Variants in C12orf54 observed in about 807,000 individuals in gnomAD.
C12orf54 encodes chromosome 12 open reading frame 54, also known as uncharacterized protein C12orf54.
C12orf54 carries 24 observed loss-of-function variants against 26.4 expected under a neutral mutation model. That is an observed-to-expected ratio of 0.91 (90% CI 0.66 to 1.28). The LOEUF is 1.28. Ranked by LOEUF, C12orf54 falls within the 50% of genes most tolerant of loss-of-function variation. The pLI, the probability that C12orf54 is intolerant of heterozygous loss-of-function variation, is 0.00. For missense variants in C12orf54, 154 were observed against 150.9 expected (o/e 1.02, Z -0.11); for synonymous variants, 54 against 47.0 (o/e 1.15, Z -0.61).
At chr12:48,471,080 G>A in the C12orf54 span, among the ~76,000 whole-genome samples, 1 of 151,200 alleles carries the variant, frequency 6.6e-6, no homozygotes, top group African/African-American at 2.4e-5. Flanking sequence ...TTATTTTTTT[G>A]TACCCATTAA....
the C12orf54 span, among the ~76,000 whole-genome samples, chr12:48,447,212 C>CTGTGTGTATG: frequency 0.063 from 5,746 of 90,996 alleles, 242 homozygotes; most frequent in East Asian, 0.14. Context: ...CTCTCTTACT[C>CTGTGTGTATG]TGTGTGTGTG....
chr12:48,437,590 G>T, the C12orf54 span, among the ~76,000 whole-genome samples: 3 of 152,232 alleles, frequency 2.0e-5, no homozygotes, highest in African/African-American at 7.2e-5. Context: ...TGCAAGGCTG[G>T]TTCAACATAA....
At chr12:48,414,095 C>T in the C12orf54 span, among the ~76,000 whole-genome samples, 5 of 152,222 alleles carry the variant, frequency 3.3e-5, no homozygotes, top group Admixed American at 3.3e-4. Context: ...ACAAACTGTT[C>T]AACTTCCTAA....
chr12:48,454,084 C>CTT, the C12orf54 span, among the ~76,000 whole-genome samples: 4 of 131,892 alleles, frequency 3.0e-5, no homozygotes, highest in Non-Finnish European at 6.3e-5. Flanking sequence ...CTCTCTCTCT[C>CTT]TTTTTTTGTT....
At chr12:48,417,605 C>G in the C12orf54 span, among the ~76,000 whole-genome samples, 1 of 152,076 alleles carries the variant, frequency 6.6e-6, no homozygotes, top group African/African-American at 2.4e-5. Context: ...GTTTTAGATT[C>G]AGAGGTAAAT....
the C12orf54 span, among the ~76,000 whole-genome samples, chr12:48,465,394 A>T: frequency 6.6e-6 from 1 of 152,204 alleles, no homozygotes; most frequent in East Asian, 1.9e-4. Context: ...AATGACTATT[A>T]TTAAAAAGTC....
the C12orf54 span, among the ~76,000 whole-genome samples, chr12:48,427,504 T>C: frequency 6.6e-6 from 1 of 152,118 alleles, no homozygotes; most frequent in African/African-American, 2.4e-5. Flanking sequence ...GGTTTTTGCA[T>C]CAATGTTCAT....
Position 48,494,846 on chromosome 12 carries a change from G to A in C12orf54, c.291G>A (p.Leu97=). The A allele has an allele frequency of 1.2e-6, 2 of 1,613,776 alleles. No homozygotes were observed. ...TGATGACCCCAAAGTTGAGAAGATT[G>A]CAGTTCAGCTCTGGAGAGCAGCCAT... ...DSLMTPKLRR[L]QFSSGEQPSG... Residue 97 remains leucine, a synonymous_variant, in exon 8 of 9, where the codon TTG becomes TTA. Transcript: ENST00000548364.
rs149144972 is a variant in C12orf54 at position 48,492,949 on chromosome 12, A to T, written c.196A>T (p.Met66Leu). ...ELQEDARIRG[M>L]SNCSMTPMTS... ...ACTCTTCTCTGTGTCCACTTTAGGG[A>T]TGAGCAACTGCTCCATGACACCCAT... Residue 66 changes from methionine (M) to leucine (L), a missense_variant and splice_region_variant, in exon 7 of 9, where the codon ATG becomes TTG. Met to Leu is a conservative substitution (Grantham distance 15). Coordinates refer to ENST00000548364, the MANE Select transcript of C12orf54 (RefSeq NM_152319.4). 398 of 1,613,812 alleles carry T rather than the reference A, an allele frequency of 2.5e-4. No homozygotes were observed. The highest frequency in any genetic ancestry group is 3.2e-4 in the Non-Finnish European group (381 of 1,179,830).
the C12orf54 span, among the ~76,000 whole-genome samples, chr12:48,455,320 A>C: frequency 6.6e-6 from 1 of 152,296 alleles, no homozygotes; most frequent in African/African-American, 2.4e-5. Context: ...GTGTATATAT[A>C]CCACATTTTC....
the C12orf54 span, among the ~76,000 whole-genome samples, chr12:48,461,434 C>G: frequency 6.6e-6 from 1 of 151,854 alleles, no homozygotes; most frequent in African/African-American, 2.4e-5. Context: ...GTATAATACA[C>G]ATTCTTTTCA....
At chr12:48,429,222 G>A in the C12orf54 span, among the ~76,000 whole-genome samples, 1 of 152,028 alleles carries the variant, frequency 6.6e-6, no homozygotes, top group South Asian at 2.1e-4. Context: ...TACTGAATGG[G>A]GAAAAGTTGA....
At chr12:48,431,933 C>A in the C12orf54 span, among the ~76,000 whole-genome samples, 1 of 152,096 alleles carries the variant, frequency 6.6e-6, no homozygotes, top group African/African-American at 2.4e-5. Context: ...AAACCATTGA[C>A]TTGTGCACTT....
chr12:48,425,784 G>A, the C12orf54 span, among the ~76,000 whole-genome samples: 3 of 152,058 alleles, frequency 2.0e-5, no homozygotes, highest in Non-Finnish European at 4.4e-5. Flanking sequence ...ACTAGTGTGA[G>A]ATGGTATCTC....
chr12:48,472,881 A>G, the C12orf54 span: 1 of 1,614,192 alleles, frequency 6.2e-7, no homozygotes, highest in South Asian at 1.1e-5. Flanking sequence ...TGAACTAAGC[A>G]GTAACAGAGC....
the C12orf54 span, among the ~76,000 whole-genome samples, chr12:48,444,982 C>A: frequency 6.6e-5 from 10 of 152,106 alleles, no homozygotes; most frequent in African/African-American, 2.4e-4. Flanking sequence ...ACCATCCTGG[C>A]TAACACAGTG....
At chr12:48,459,789 G>C in the C12orf54 span, among the ~76,000 whole-genome samples, 1 of 152,206 alleles carries the variant, frequency 6.6e-6, no homozygotes, top group Non-Finnish European at 1.5e-5. Context: ...AGGTGTCCTT[G>C]TCCAGCAGAA....
chr12:48,482,068 CT>C (rs1312823073), upstream of C12orf54, among the ~76,000 whole-genome samples: 4 of 152,192 alleles, frequency 2.6e-5, no homozygotes, highest in Admixed American at 1.3e-4. Context: ...GTTTTCATCC[CT>C]TCTAAATCTA....
chr12:48,444,730 C>CT, the C12orf54 span, among the ~76,000 whole-genome samples: 2 of 152,140 alleles, frequency 1.3e-5, no homozygotes, highest in African/African-American at 2.4e-5. Context: ...AATGCTACCA[C>CT]TATGGTTATT....
Sources: allele counts gnomAD v4.1 joint callset (sites outside exome capture counted in the v4.1 genomes callset), GRCh38; gene constraint gnomAD v4.1.1; transcripts MANE v1.5; gene names NCBI Gene and HGNC (gene_info 2026-07-23, HGNC 2026-07-21).